The following CDH12 variants were observed in gnomAD, a reference collection of about 807,000 sequenced individuals.
CDH12 encodes the protein cadherin 12.
CDH12 carries 41 observed loss-of-function variants against 74.1 expected under a neutral mutation model. That is an observed-to-expected ratio of 0.55 (90% CI 0.43 to 0.72). The LOEUF is 0.72. Ranked by LOEUF, CDH12 falls within the 30% of genes least tolerant of loss-of-function variation. The pLI, the probability that CDH12 is intolerant of heterozygous loss-of-function variation, is 0.00. For synonymous variants in CDH12, 399 were observed against 355.0 expected (o/e 1.12, Z -1.39); for missense variants, 945 against 977.2 (o/e 0.97, Z 0.44).
chr5:22,654,552 A>G (rs947107970), intron 1 of CDH12, among the ~76,000 whole-genome samples: 1 of 144,194 alleles, frequency 6.9e-6, no homozygotes, highest in African/African-American at 2.6e-5. Context: ...GGCCTCCCAA[A>G]GTGCTGGGAT....
At chr5:22,674,693 C>T (rs145043155) in intron 1 of CDH12, among the ~76,000 whole-genome samples, 3 of 152,180 alleles carry the variant, frequency 2.0e-5, no homozygotes, top group Non-Finnish European at 4.4e-5. Context: ...ATTCTGATAA[C>T]GATATGGACA....
intron 5 of CDH12, among the ~76,000 whole-genome samples, chr5:22,057,846 G>A (rs1382834519): frequency 6.6e-6 from 1 of 152,112 alleles, no homozygotes; most frequent in Non-Finnish European, 1.5e-5. Context: ...TATGTCACTG[G>A]CATCTCTGTG....
At chr5:22,108,928 T>A (rs553897966) in intron 4 of CDH12, among the ~76,000 whole-genome samples, 6 of 152,124 alleles carry the variant, frequency 3.9e-5, no homozygotes, top group Non-Finnish European at 5.9e-5. Context: ...ATAAAAATAT[T>A]ACAGATTTGA....
intron 2 of CDH12, among the ~76,000 whole-genome samples, chr5:22,462,238 C>A (rs1745552736): frequency 1.3e-5 from 2 of 152,020 alleles, no homozygotes; most frequent in Admixed American, 6.6e-5. Flanking sequence ...AAATCAGATA[C>A]CCCTTGCCAG....
intron 1 of CDH12, among the ~76,000 whole-genome samples, chr5:22,739,546 C>A (rs529705631): frequency 6.6e-6 from 1 of 151,930 alleles, no homozygotes; most frequent in Non-Finnish European, 1.5e-5. Context: ...CAGTAGTCTA[C>A]CTTATTGTTG....
intron 1 of CDH12, among the ~76,000 whole-genome samples, chr5:22,826,946 AG>A (rs1207145592): frequency 2.6e-5 from 4 of 152,266 alleles, no homozygotes; most frequent in Non-Finnish European, 5.9e-5. Context: ...AGCTGGATGC[AG>A]AAATTTGCAT....
chr5:22,180,588 C>T (rs140086126), intron 4 of CDH12, among the ~76,000 whole-genome samples: 180 of 152,128 alleles, frequency 1.2e-3, no homozygotes, highest in African/African-American at 4.3e-3. Flanking sequence ...TCTTAACTCA[C>T]TGCAACCTCT....
chr5:21,955,363 T>TA (rs1756049510), intron 6 of CDH12, among the ~76,000 whole-genome samples: 1 of 151,934 alleles, frequency 6.6e-6, no homozygotes, highest in Non-Finnish European at 1.5e-5. Flanking sequence ...ATATAAGGTA[T>TA]TGCATTTGTA....
chr5:22,200,396 G>C (rs867228322), intron 4 of CDH12, among the ~76,000 whole-genome samples: 1 of 152,082 alleles, frequency 6.6e-6, no homozygotes, highest in African/African-American at 2.4e-5. Flanking sequence ...GAAGAAAATT[G>C]ACGTGTGAGT....
chr5:22,206,519 T>G (rs1285926162), intron 4 of CDH12, among the ~76,000 whole-genome samples: 1 of 151,860 alleles, frequency 6.6e-6, no homozygotes, highest in East Asian at 1.9e-4. Context: ...CTACCAAAGT[T>G]TTGACCTACT....
intron 2 of CDH12, among the ~76,000 whole-genome samples, chr5:22,430,965 G>C (rs1744145304): frequency 6.6e-6 from 1 of 152,006 alleles, no homozygotes; most frequent in Non-Finnish European, 1.5e-5. Flanking sequence ...CATATGACAA[G>C]GTAGTCTATT....
Position 22,307,873 on chromosome 5 carries a change from G to GTTTTTTTTTTT in CDH12, c.-332-95241_-332-95231dup. Among the ~76,000 whole-genome samples the GTTTTTTTTTTT allele has an allele frequency of 4.5e-4, 31 of 68,674 alleles. 1 individual carries two copies. Among genetic ancestry groups the GTTTTTTTTTTT allele is most frequent in the Admixed American group, 1.4e-3 (5 of 3,582 alleles). 45.1% of individuals were successfully genotyped at this position (68,674 alleles called of 152,430 possible). ...TATATATTTTTGCTGCTTTCTTTTA[G>GTTTTTTTTTTT]TTTTTTTTTTTTTTTTTTTTTTTTT... On this transcript the variant is annotated intron_variant, in intron 3 of 14. Transcript: ENST00000382254.
intron 1 of CDH12, among the ~76,000 whole-genome samples, chr5:22,702,222 T>C (rs1467936279): frequency 2.6e-5 from 4 of 152,160 alleles, no homozygotes; most frequent in African/African-American, 9.7e-5. Context: ...ATTCATTCTA[T>C]GCAACCTAAG....
chr5:22,075,033 C>T (rs1307622373), intron 5 of CDH12, among the ~76,000 whole-genome samples: 1 of 152,002 alleles, frequency 6.6e-6, no homozygotes, highest in Non-Finnish European at 1.5e-5. Flanking sequence ...TGGCACTATT[C>T]ACAATAGCAA....
chr5:22,311,966 T>C (rs1408000697), intron 3 of CDH12, among the ~76,000 whole-genome samples: 1 of 152,168 alleles, frequency 6.6e-6, no homozygotes, highest in Non-Finnish European at 1.5e-5. Context: ...AAATATGATG[T>C]GTCCCCAAAA....
At chr5:22,031,302 C>A (rs560004757) in intron 5 of CDH12, among the ~76,000 whole-genome samples, 2 of 140,426 alleles carry the variant, frequency 1.4e-5, no homozygotes, top group Non-Finnish European at 3.0e-5. Flanking sequence ...CCACTGAACT[C>A]CAGCCTGGGC....
At chr5:21,939,144 A>G (rs1755213938) in intron 6 of CDH12, among the ~76,000 whole-genome samples, 2 of 151,904 alleles carry the variant, frequency 1.3e-5, no homozygotes, top group South Asian at 4.1e-4. Flanking sequence ...AGAAAAAAGC[A>G]TTGTACAAAT....
At position 22,847,415 on chromosome 5, in the gene CDH12, G is replaced by T. The variant is rs190730106; in HGVS notation, c.-523+5643C>A. Among the ~76,000 whole-genome samples, 5 of 152,040 alleles carry T rather than the reference G, an allele frequency of 3.3e-5. No homozygotes were observed. In the East Asian group the frequency reaches 9.7e-4, roughly 29 times the overall value. ...AAGTTGCAGGAAGACACTTCATTTG[G>T]GTATATTGTTATCTGCTGTTACTTC... On this transcript the variant is annotated intron_variant, in intron 1 of 14. Transcript: ENST00000382254.
intron 8 of CDH12, among the ~76,000 whole-genome samples, chr5:21,841,802 G>A (rs1460524363): frequency 7.0e-6 from 1 of 142,570 alleles, no homozygotes; most frequent in African/African-American, 2.6e-5. Context: ...GGTGGGAATT[G>A]AACAATGAGA....
Sources: allele counts gnomAD v4.1 joint callset (sites outside exome capture counted in the v4.1 genomes callset), GRCh38; gene constraint gnomAD v4.1.1; transcripts MANE v1.5; gene names NCBI Gene and HGNC (gene_info 2026-07-23, HGNC 2026-07-21).